AGPAT4: variants seen among roughly 807,000 people sequenced by gnomAD.
AGPAT4 encodes 1-acyl-sn-glycerol-3-phosphate acyltransferase delta.
Under a neutral mutation model 48.0 loss-of-function variants are expected in AGPAT4, and 15 were observed. That is an observed-to-expected ratio of 0.31 (90% confidence interval 0.21 to 0.48). AGPAT4 has a LOEUF of 0.48. Among genes scored for constraint, AGPAT4 ranks in the 20% least tolerant of loss-of-function variants. The probability of loss-of-function intolerance (pLI) is 0.99; values close to 1 mark genes in which losing one functional copy is unlikely to be tolerated. For missense variants in AGPAT4, 314 were observed against 482.5 expected, an observed-to-expected ratio of 0.65 and a Z score of 3.27; for synonymous variants, 178 against 198.7, an observed-to-expected ratio of 0.90 and a Z score of 0.88.
At position 161,132,690 on chromosome 6, in the gene AGPAT4, C is replaced by CTAAG. The variant is rs1368670730; in HGVS notation, c.*3846_*3849dup. 1 of 152,242 alleles carries CTAAG rather than the reference C, an allele frequency of 6.6e-6. No individual in the cohort carries two copies. Among genetic ancestry groups the CTAAG allele is most frequent in the Middle Eastern group, 3.2e-3 (1 of 316 alleles). 9.4% of individuals were successfully genotyped at this position (152,242 alleles called of 1,614,324 possible). A position where few individuals can be genotyped will look rare whatever the true frequency, so the allele number is the denominator to read the frequency against. ...GTGAGCATGTTACACATGGGCTTGC[C>CTAAG]TAAGTATTTCCTTCTCTGTGAACAT... is the stretch of plus-strand genomic sequence containing the variant. On this transcript the variant is annotated 3_prime_UTR_variant, in exon 9 of 9. Coordinates refer to ENST00000320285, the MANE Select transcript of AGPAT4 (RefSeq NM_020133.3).
Position 161,154,120 on chromosome 6 carries a change from G to A in AGPAT4, c.510+29C>T. 6.2e-7 allele frequency: 1 copy of A among 1,613,754 alleles called. No individual in the cohort carries two copies. The highest frequency in any genetic ancestry group is 1.6e-4 in the Middle Eastern group (1 of 6,062). The stretch of plus-strand genomic sequence containing the variant: ...CGGTCACAGTCCTGCAGGAGCCCTT[G>A]GGACACAGCTGCTCTGGTGCCTACA... On this transcript the variant is annotated intron_variant, in intron 4 of 8. Coordinates refer to ENST00000320285, the MANE Select transcript of AGPAT4 (RefSeq NM_020133.3). This position sits in a 1 kb window ranked among gnomAD's most constrained non-coding sequence, Gnocchi z 7.8.
Position 161,136,639 on chromosome 6 carries a change from A to G in AGPAT4, c.1043-5T>C, listed in dbSNP as rs941422352. The stretch of plus-strand genomic sequence containing the variant: ...TCCATCGAACTCCCACGGAGGCTGC[A>G]GAGACAAGGAGAGCAGAGTTAGGAG... On this transcript the variant is annotated splice_region_variant and splice_polypyrimidine_tract_variant and intron_variant, in intron 8 of 8. Coordinates refer to ENST00000320285, the MANE Select transcript of AGPAT4 (RefSeq NM_020133.3). 1.2e-6 allele frequency: 2 copies of G among 1,613,122 alleles called. No homozygotes were observed. The highest frequency in any genetic ancestry group is 3.3e-5 in the Admixed American group (2 of 59,992).
rs375086311 is a variant in AGPAT4 at position 161,267,385 on chromosome 6, G to C, written c.-90+6553C>G. 9.9e-5 allele frequency among the ~76,000 whole-genome samples: 15 copies of C among 151,308 alleles called. No individual in the cohort carries two copies. In the East Asian group the frequency reaches 1.6e-3, roughly 16 times the overall value. On this transcript the variant is annotated intron_variant, in intron 1 of 8. Coordinates refer to ENST00000320285, the MANE Select transcript of AGPAT4 (RefSeq NM_020133.3). This position sits in a 1 kb window ranked among gnomAD's most constrained non-coding sequence, Gnocchi z 5.2. ...CAACTGGGATGAAAGGCATGCAGAG[G>C]TCTACACGGTAGAGATTTGTTCATT...
rs530435807 is a variant in AGPAT4 at position 161,189,372 on chromosome 6, G to A, written c.179-22955C>T. On this transcript the variant is annotated intron_variant, in intron 2 of 8. Coordinates refer to ENST00000320285, the MANE Select transcript of AGPAT4 (RefSeq NM_020133.3). This position sits in a 1 kb window ranked among gnomAD's most constrained non-coding sequence, Gnocchi z 5.3. ...TGGGTGGGGTCCAGGGAAGGGGCACGAACAGGATGGAGGAGCAGGGAAGAG... is the reference window on the plus strand; with the variant it reads ...TGGGTGGGGTCCAGGGAAGGGGCACAAACAGGATGGAGGAGCAGGGAAGAG... 2.6e-5 allele frequency among the ~76,000 whole-genome samples: 4 copies of A among 152,164 alleles called. No individual in the cohort carries two copies. The highest frequency in any genetic ancestry group is 6.5e-5 in the Admixed American group (1 of 15,272).
chr6:161,153,348 A>C lies in AGPAT4; in HGVS notation c.662T>G (p.Val221Gly), dbSNP rs757450338. ...CAGGGCCACGCACTCTTCCTTACCT[A>C]CATTTCTCAAGCTCCTCACGGTGAT... is the stretch of plus-strand genomic sequence containing the variant. ...FAITVRSLRNVVSAVYDCTLN... is the reference protein window; with the variant it reads ...FAITVRSLRNGVSAVYDCTLN... The change falls in exon 5 of 9, where the codon GTA becomes GGA. Residue 221 changes from valine (V) to glycine (G), a missense_variant and splice_region_variant. Coordinates refer to ENST00000320285, the MANE Select transcript of AGPAT4 (RefSeq NM_020133.3). The C allele has an allele frequency of 9.3e-6, 15 of 1,606,576 alleles. No individual in the cohort carries two copies. The African/African-American group carries it at 1.9e-4, about 20-fold the overall frequency.
At chr6:161,153,267 G>A in intron 5 of AGPAT4, 79 bp downstream of exon 5, 1 of 1,512,700 alleles carries the variant, frequency 6.6e-7, no homozygotes. Context: ...CTGGCAGGAA[G>A]CAAGCTCTGC....
At chr6:161,203,449 C>T (rs975047130) in intron 2 of AGPAT4, among the ~76,000 whole-genome samples, 4 of 135,392 alleles carry the variant, frequency 3.0e-5, no homozygotes, top group East Asian at 4.6e-4. Context: ...AGTGCAATGG[C>T]GTGATCTCAG....
Position 161,196,756 on chromosome 6 carries a change from C to G in AGPAT4, c.179-30339G>C, listed in dbSNP as rs1320195238. Among the ~76,000 whole-genome samples the G allele has an allele frequency of 6.6e-6, 1 of 150,872 alleles. No homozygotes were observed. The highest frequency in any genetic ancestry group is 1.5e-5 in the Non-Finnish European group (1 of 67,888). ...CCTGGGAGGCGGAGATTGCAGTGAG[C>G]CGAGATCGTGCTACTGTACTCCAGC... On this transcript the variant is annotated intron_variant, in intron 2 of 8. Coordinates refer to ENST00000320285, the MANE Select transcript of AGPAT4 (RefSeq NM_020133.3). The surrounding 1 kb of genome is among the most constrained non-coding windows in gnomAD (Gnocchi z 4.3).
rs1782234270 is a variant in AGPAT4, at chr6:161,235,001, G to A, written c.-89-2699C>T. Among the ~76,000 whole-genome samples the A allele has an allele frequency of 6.6e-6, 1 of 151,950 alleles. No homozygotes were observed. The highest frequency in any genetic ancestry group is 2.4e-5 in the African/African-American group (1 of 41,386). Reference sequence around the variant, plus strand: ...GTGTAAAGAGGAACCCCAAGCAGATGAGCCTAAAGAGAAATCAGACAAGGC... The same window carrying A: ...GTGTAAAGAGGAACCCCAAGCAGATAAGCCTAAAGAGAAATCAGACAAGGC... On this transcript the variant is annotated intron_variant, in intron 1 of 8. Coordinates refer to ENST00000320285, the MANE Select transcript of AGPAT4 (RefSeq NM_020133.3). This position sits in a 1 kb window ranked among gnomAD's most constrained non-coding sequence, Gnocchi z 6.2.
In AGPAT4 at chr6:161,184,173, C is replaced by T. The variant is rs530733559; in HGVS notation, c.179-17756G>A. Among the ~76,000 whole-genome samples, 29 of 151,630 alleles carry T rather than the reference C, an allele frequency of 1.9e-4. No individual in the cohort carries two copies. Among genetic ancestry groups the T allele is most frequent in the East Asian group, 5.9e-4 (3 of 5,112 alleles). On this transcript the variant is annotated intron_variant, in intron 2 of 8. Coordinates refer to ENST00000320285, the MANE Select transcript of AGPAT4 (RefSeq NM_020133.3). This position sits in a 1 kb window ranked among gnomAD's most constrained non-coding sequence, Gnocchi z 4.8. ...GTGGAGAAAGAAGTGCAGCAGGTTA[C>T]GGGTGGAAGGCAGGTGTTGAAGCAG...
rs1782628428 is a variant in AGPAT4, at chr6:161,245,701, T to A, written c.-89-13399A>T. ...CCCTCCCTCTCCTACTCACTGTCCGTGAAGTGCCCTCAATCCTTGAGTTCT... is the reference window on the plus strand; with the variant it reads ...CCCTCCCTCTCCTACTCACTGTCCGAGAAGTGCCCTCAATCCTTGAGTTCT... On this transcript the variant is annotated intron_variant, in intron 1 of 8. Transcript: ENST00000320285. The surrounding 1 kb of genome is among the most constrained non-coding windows in gnomAD (Gnocchi z 5.2). 6.6e-6 allele frequency among the ~76,000 whole-genome samples: 1 copy of A among 152,136 alleles called. No individual in the cohort carries two copies.
chr6:161,205,321 A>G (rs1163391913), intron 2 of AGPAT4, among the ~76,000 whole-genome samples: 1 of 152,086 alleles, frequency 6.6e-6, no homozygotes, highest in Non-Finnish European at 1.5e-5. Context: ...GAACCAACCC[A>G]AAGAGGACAC....
chr6:161,239,108 G>A (rs1782404342), intron 1 of AGPAT4, among the ~76,000 whole-genome samples: 1 of 152,194 alleles, frequency 6.6e-6, no homozygotes, highest in Non-Finnish European at 1.5e-5. Flanking sequence ...CTACCATGAA[G>A]TTCTACAGAC....
intron 7 of AGPAT4, among the ~76,000 whole-genome samples, chr6:161,145,762 G>A (rs991850602): frequency 6.6e-6 from 1 of 151,664 alleles, no homozygotes; most frequent in Non-Finnish European, 1.5e-5. Context: ...TGGAGTTTGA[G>A]GAAAAGGTCA....
In AGPAT4 at chr6:161,244,075, G is replaced by A. The variant is rs1782578307; in HGVS notation, c.-89-11773C>T. On this transcript the variant is annotated intron_variant, in intron 1 of 8. Coordinates refer to ENST00000320285, the MANE Select transcript of AGPAT4 (RefSeq NM_020133.3). The surrounding 1 kb of genome is among the most constrained non-coding windows in gnomAD (Gnocchi z 4.7). The stretch of plus-strand genomic sequence containing the variant: ...ATGTAGGCCTTGTTTCCACCTTGTG[G>A]AAGGGAAATAAAAACTGGTATTGAG... Among the ~76,000 whole-genome samples the A allele has an allele frequency of 6.6e-6, 1 of 152,212 alleles. No individual in the cohort carries two copies. The highest frequency in any genetic ancestry group is 2.4e-5 in the African/African-American group (1 of 41,466).
chr6:161,182,768 C>A (rs1780638268), intron 2 of AGPAT4, among the ~76,000 whole-genome samples: 1 of 152,206 alleles, frequency 6.6e-6, no homozygotes, highest in South Asian at 2.1e-4. Context: ...CTGCTCCCTG[C>A]CCATGACATA....
chr6:161,205,000 A>G lies in AGPAT4; in HGVS notation c.178+27036T>C, dbSNP rs1208416843. On this transcript the variant is annotated intron_variant, in intron 2 of 8. Transcript: ENST00000320285. The surrounding 1 kb of genome is among the most constrained non-coding windows in gnomAD (Gnocchi z 4.4). ...AAAAGACACTGGACAGAAACCAGGA[A>G]GGAAGCCAGCCTCAGCCTCACCACT... Among the ~76,000 whole-genome samples the G allele has an allele frequency of 6.6e-6, 1 of 152,224 alleles. No individual in the cohort carries two copies. The highest frequency in any genetic ancestry group is 1.5e-5 in the Non-Finnish European group (1 of 68,044).
intron 2 of AGPAT4, among the ~76,000 whole-genome samples, chr6:161,228,339 C>T (rs905765051): frequency 1.3e-5 from 2 of 152,190 alleles, no homozygotes; most frequent in Non-Finnish European, 2.9e-5. Context: ...TGGCCTTCCC[C>T]ATTCAAGGAA....
rs58550351 is a variant in AGPAT4, at chr6:161,240,221, T to TACACACACAC, written c.-89-7929_-89-7920dup. Reference sequence around the variant, plus strand: ...CACTAACAGCAGATATCTTTGTGTATACACACACACACACACACACACACA... The same window carrying TACACACACAC: ...CACTAACAGCAGATATCTTTGTGTATACACACACACACACACACACACACACACACACACA... On this transcript the variant is annotated intron_variant, in intron 1 of 8. Transcript: ENST00000320285. The surrounding 1 kb of genome is among the most constrained non-coding windows in gnomAD (Gnocchi z 5.5). Among the ~76,000 whole-genome samples, 12 of 144,436 alleles carry TACACACACAC rather than the reference T, an allele frequency of 8.3e-5. No individual in the cohort carries two copies. In the South Asian group the frequency reaches 1.9e-3, roughly 22 times the overall value. 94.8% of individuals were successfully genotyped at this position (144,436 alleles called of 152,430 possible).
Sources: allele counts gnomAD v4.1 joint callset (sites outside exome capture counted in the v4.1 genomes callset), GRCh38; gene constraint gnomAD v4.1.1; non-coding constraint Gnocchi (gnomAD v3.1); transcripts MANE v1.5; gene names NCBI Gene and HGNC (gene_info 2026-07-23, HGNC 2026-07-21).